The following PRMT9 variants were observed in gnomAD, a reference collection of about 807,000 sequenced individuals.
PRMT9 encodes protein arginine N-methyltransferase 9.
PRMT9 carries 59 observed loss-of-function variants against 83.2 expected under a neutral mutation model. That is an observed-to-expected ratio of 0.71 (90% CI 0.57 to 0.88). The LOEUF is 0.88. Ranked by LOEUF, PRMT9 falls within the 40% of genes least tolerant of loss-of-function variation. The probability of loss-of-function intolerance (pLI) is 0.00; values close to 1 mark genes in which losing one functional copy is unlikely to be tolerated. For synonymous variants in PRMT9, 333 were observed against 353.2 expected, an observed-to-expected ratio of 0.94 and a Z score of 0.64; for missense variants, 947 against 1,021.9, an observed-to-expected ratio of 0.93 and a Z score of 1.00.
intron 8 of PRMT9, among the ~76,000 whole-genome samples, chr4:147,655,598 G>A (rs1734432853): frequency 3.9e-5 from 6 of 152,114 alleles, no homozygotes; most frequent in Admixed American, 3.9e-4. Context: ...TGCCTAGGCG[G>A]GAGTGCAGTG....
Position 147,661,003 on chromosome 4 carries a change from G to A in PRMT9, c.989C>T (p.Pro330Leu). 1 of 1,612,516 alleles carries A rather than the reference G, an allele frequency of 6.2e-7. No homozygotes were observed. Among genetic ancestry groups the A allele is most frequent in the South Asian group, 1.1e-5 (1 of 91,026 alleles). ...GIKDIAGIHL[P>L]TNVKFQSPAY... ...CGGACTCTGAAATTTCACATTTGTT[G>A]GCAAATGGATACCAGCAATGTCCTT... Residue 330 changes from proline to leucine, a missense_variant, in exon 7 of 12, where the codon CCA becomes CTA. Transcript: ENST00000322396.
At chr4:147,668,454 G>A (rs1735493546) in intron 6 of PRMT9, 85 bp downstream of exon 6, 4 of 834,608 alleles carry the variant, frequency 4.8e-6, no homozygotes, top group Non-Finnish European at 4.0e-6. Flanking sequence ...TCAGAACTGT[G>A]AGTCATTTAA....
chr4:147,642,865 T>A lies in PRMT9; in HGVS notation c.2121A>T (p.Thr707=). The part of the protein sequence containing the change: ...LMFGLLVESQ[T]LLEENAVQGT... ...CTTGAACAGCATTCTCCTCTAGGAG[T>A]GTCTGTGATTCCACAAGCAACCCAA... Residue 707 remains threonine (T), a synonymous_variant, in exon 10 of 12, where the codon ACA becomes ACT. Transcript: ENST00000322396. 1.2e-6 allele frequency: 2 copies of A among 1,613,676 alleles called. No homozygotes were observed. Among genetic ancestry groups the A allele is most frequent in the Non-Finnish European group, 1.7e-6 (2 of 1,179,636 alleles).
At chr4:147,660,803 C>T in intron 7 of PRMT9, 43 bp downstream of exon 7, 2 of 1,263,516 alleles carry the variant, frequency 1.6e-6, no homozygotes, top group Non-Finnish European at 2.3e-6. Flanking sequence ...TTAAACAATG[C>T]ATGAAATTTA....
At chr4:147,651,835 T>A (rs1395135666) in intron 9 of PRMT9, among the ~76,000 whole-genome samples, 1 of 152,136 alleles carries the variant, frequency 6.6e-6, no homozygotes, top group Admixed American at 6.5e-5. Context: ...GAGGGGAGTA[T>A]GGGAAATTGT....
chr4:147,665,113 CTCTG>C (rs1207001555), intron 6 of PRMT9, among the ~76,000 whole-genome samples: 1 of 104,318 alleles, frequency 9.6e-6, no homozygotes, highest in Non-Finnish European at 1.9e-5. Context: ...AAGAGCGAAA[CTCTG>C]TCTAAACAAA....
chr4:147,681,778 C>A (rs1251031510), intron 1 of PRMT9, among the ~76,000 whole-genome samples: 6 of 70,704 alleles, frequency 8.5e-5, no homozygotes, highest in African/African-American at 2.5e-4. Flanking sequence ...TACAGTGAGA[C>A]TCTATAAAAA....
At chr4:147,666,423 T>TC (rs1735333930) in intron 6 of PRMT9, among the ~76,000 whole-genome samples, 1 of 152,186 alleles carries the variant, frequency 6.6e-6, no homozygotes, top group African/African-American at 2.4e-5. Context: ...CTAACTTTTT[T>TC]CCCCAAATGA....
intron 4 of PRMT9, among the ~76,000 whole-genome samples, chr4:147,672,684 A>G (rs1735810471): frequency 6.6e-6 from 1 of 152,186 alleles, no homozygotes; most frequent in Non-Finnish European, 1.5e-5. Context: ...CCATTTTTAC[A>G]ATGAGAACAC....
At chr4:147,644,975 C>G (rs1733639022) in intron 9 of PRMT9, among the ~76,000 whole-genome samples, 1 of 152,154 alleles carries the variant, frequency 6.6e-6, no homozygotes, top group South Asian at 2.1e-4. Context: ...ATTTCTAGAA[C>G]AGGATACTAG....
At chr4:147,683,720 C>CGTTTT in intron 1 of PRMT9, 79 bp downstream of exon 1, 1 of 1,049,864 alleles carries the variant, frequency 9.5e-7, no homozygotes, top group African/African-American at 1.7e-5. Context: ...AGCCCCTCCG[C>CGTTTT]TTTTTTTTTT....
intron 2 of PRMT9, 98 bp from the exon 3 acceptor site, chr4:147,673,972 G>T: frequency 1.0e-6 from 1 of 973,942 alleles, no homozygotes; most frequent in Non-Finnish European, 1.6e-6. Context: ...GGAATTCCAT[G>T]CCAGCACCCC....
chr4:147,665,106 A>AGCGAAAC (rs1301708017), intron 6 of PRMT9, among the ~76,000 whole-genome samples: 1 of 124,842 alleles, frequency 8.0e-6, no homozygotes, highest in East Asian at 2.4e-4. Flanking sequence ...GGGAAACAAG[A>AGCGAAAC]GCGAAACTCT....
chr4:147,671,128 G>A (rs1735699534), intron 4 of PRMT9, among the ~76,000 whole-genome samples: 2 of 152,094 alleles, frequency 1.3e-5, no homozygotes, highest in Non-Finnish European at 2.9e-5. Context: ...AACTCCAACA[G>A]TCTATAAAAA....
rs1413677554 is a variant in PRMT9 at position 147,646,898 on chromosome 4, C to CTA, written c.2046-3960_2046-3959dup. 3.3e-5 allele frequency among the ~76,000 whole-genome samples: 5 copies of CTA among 152,284 alleles called. No individual in the cohort carries two copies. In the East Asian group the frequency reaches 9.6e-4, roughly 29 times the overall value. On this transcript the variant is annotated intron_variant, in intron 9 of 11. Coordinates refer to ENST00000322396, the MANE Select transcript of PRMT9 (RefSeq NM_138364.4). ...CAAAAATTATGGCAGTGCAAGAAAT[C>CTA]TAACATAGCTCACTCCATCTTGCTT...
At chr4:147,674,516 C>G (rs1735941317) in intron 2 of PRMT9, among the ~76,000 whole-genome samples, 1 of 151,982 alleles carries the variant, frequency 6.6e-6, no homozygotes, top group Non-Finnish European at 1.5e-5. Context: ...AAAACCTATC[C>G]AACCCTCTAG....
At chr4:147,638,865 TTAAAG>T (rs1358081503) in intron 11 of PRMT9, 90 bp downstream of exon 11, 317 of 1,394,854 alleles carry the variant, frequency 2.3e-4, no homozygotes, top group Non-Finnish European at 3.1e-4. Context: ...ATTTAAATCT[TTAAAG>T]TAGCTAAAAG....
chr4:147,678,173 TTAA>T (rs1208743125), intron 2 of PRMT9, among the ~76,000 whole-genome samples: 3 of 152,212 alleles, frequency 2.0e-5, no homozygotes, highest in African/African-American at 7.2e-5. Flanking sequence ...CGAGATACGT[TTAA>T]TAAGAGAAAT....
intron 6 of PRMT9, among the ~76,000 whole-genome samples, chr4:147,665,840 TTTC>T (rs1735293634): frequency 6.6e-6 from 1 of 152,234 alleles, no homozygotes; most frequent in African/African-American, 2.4e-5. Context: ...ATTGAAATAC[TTTC>T]TTACTAATAT....
Sources: gnomAD v4.1 joint callset for allele counts (sites outside exome capture counted in the v4.1 genomes callset) on GRCh38, gnomAD v4.1.1 for gene constraint, MANE v1.5 for transcripts, NCBI Gene and HGNC (gene_info 2026-07-23, HGNC 2026-07-21) for gene names.